Variants in MNAT1 observed in about 807,000 individuals in gnomAD.
MNAT1 encodes the protein MNAT1 component of CDK activating kinase.
In MNAT1, 43 loss-of-function variants were observed where a neutral mutation model predicts 42.0. That is an observed-to-expected ratio of 1.02 (90% confidence interval 0.80 to 1.32). The LOEUF (loss-of-function observed/expected upper bound fraction) is 1.32. Among genes scored for constraint, MNAT1 ranks in the 40% most tolerant of loss-of-function variants. MNAT1 has a pLI of 0.00. For missense variants in MNAT1, 306 were observed against 350.4 expected, an observed-to-expected ratio of 0.87 and a Z score of 1.01; for synonymous variants, 118 against 120.0, an observed-to-expected ratio of 0.98 and a Z score of 0.11.
intron 1 of MNAT1, among the ~76,000 whole-genome samples, chr14:60,791,420 T>C (rs541339700): frequency 6.6e-6 from 1 of 152,204 alleles, no homozygotes; most frequent in Admixed American, 6.5e-5. Context: ...CAAAAGCACT[T>C]TGTTGAGGTA....
chr14:60,886,959 A>T (rs2034689131), intron 7 of MNAT1, among the ~76,000 whole-genome samples: 1 of 152,120 alleles, frequency 6.6e-6, no homozygotes, highest in Admixed American at 6.6e-5. Flanking sequence ...AAAAACTGAA[A>T]ACTTTTCCTC....
chr14:60,850,382 A>C (rs759296796), intron 6 of MNAT1, among the ~76,000 whole-genome samples: 3 of 152,180 alleles, frequency 2.0e-5, no homozygotes, highest in Non-Finnish European at 2.9e-5. Flanking sequence ...CATAGTAGTA[A>C]CATGTACTTT....
intron 6 of MNAT1, among the ~76,000 whole-genome samples, chr14:60,864,195 C>T (rs557978938): frequency 4.6e-5 from 7 of 151,572 alleles, no homozygotes; most frequent in Non-Finnish European, 1.5e-5. Flanking sequence ...ACTAGAGTAG[C>T]TTTCATTTAA....
At chr14:60,780,728 C>A in intron 1 of MNAT1, 1 of 620,924 alleles carries the variant, frequency 1.6e-6, no homozygotes, top group East Asian at 2.7e-5. Flanking sequence ...ACTTACTGAA[C>A]TGTGTGTAAT....
At chr14:60,784,087 A>ACCTCCG (rs892941991) in intron 1 of MNAT1, among the ~76,000 whole-genome samples, 4 of 149,492 alleles carry the variant, frequency 2.7e-5, no homozygotes, top group African/African-American at 7.4e-5. Context: ...GCTCACTGCA[A>ACCTCCG]CCTCCGCCTC....
intron 7 of MNAT1, among the ~76,000 whole-genome samples, chr14:60,921,693 C>T (rs552095777): frequency 3.2e-4 from 48 of 152,208 alleles, no homozygotes; most frequent in Admixed American, 1.4e-3. Context: ...TATTTTAACA[C>T]GATCAGAATG....
chr14:60,736,145 G>A lies in MNAT1; in HGVS notation c.89+1194G>A, dbSNP rs1896301502. ...GTGATTGAATGATTTAAGATTAGAA[G>A]TAAGGTAAAAGTAATCAAGAAGAAT... is the stretch of plus-strand genomic sequence containing the variant. On this transcript the variant is annotated intron_variant, in intron 1 of 7. Transcript: ENST00000261245. Among the ~76,000 whole-genome samples, 2 of 152,210 alleles carry A rather than the reference G, an allele frequency of 1.3e-5. 1 individual carries two copies. The highest frequency in any genetic ancestry group is 4.1e-4 in the South Asian group (2 of 4,836).
intron 6 of MNAT1, among the ~76,000 whole-genome samples, chr14:60,835,730 G>T (rs530605497): frequency 2.5e-4 from 38 of 152,134 alleles, no homozygotes; most frequent in Non-Finnish European, 4.9e-4. Flanking sequence ...CTCTTTTCGA[G>T]GATTATCTTT....
At position 60,968,283 on chromosome 14, in the gene MNAT1, T is replaced by C; in HGVS notation, c.864T>C (p.Thr288=). 2.5e-6 allele frequency: 4 copies of C among 1,614,050 alleles called. No homozygotes were observed. The highest frequency in any genetic ancestry group is 3.4e-6 in the Non-Finnish European group (4 of 1,179,922). ...ASPQDLAGGY[T]SSLACHRALQ... ...CACAGGACCTTGCTGGAGGCTATAC[T>C]TCTTCTCTTGCTTGTCACAGAGCAC... is the stretch of plus-strand genomic sequence containing the variant. Residue 288 remains threonine (T), a synonymous_variant, in exon 8 of 8, where the codon ACT becomes ACC. Transcript: ENST00000261245.
At chr14:60,946,742 TC>T (rs2036284262) in intron 7 of MNAT1, among the ~76,000 whole-genome samples, 1 of 152,220 alleles carries the variant, frequency 6.6e-6, no homozygotes, top group Admixed American at 6.5e-5. Context: ...CACATACCTT[TC>T]CTGAGACCAG....
chr14:60,871,779 C>T (rs1031319097), intron 6 of MNAT1, among the ~76,000 whole-genome samples: 2 of 152,062 alleles, frequency 1.3e-5, no homozygotes, highest in South Asian at 2.1e-4. Flanking sequence ...CCGGCTACCA[C>T]GCCCAGCTAA....
chr14:60,938,153 A>G (rs1404703677), intron 7 of MNAT1, among the ~76,000 whole-genome samples: 1 of 152,210 alleles, frequency 6.6e-6, no homozygotes, highest in East Asian at 1.9e-4. Context: ...TTCTAGATAT[A>G]CAATCATGTC....
chr14:60,959,286 T>A (rs1310043641), intron 7 of MNAT1, among the ~76,000 whole-genome samples: 1 of 152,158 alleles, frequency 6.6e-6, no homozygotes, highest in African/African-American at 2.4e-5. Context: ...CCACAAGGGC[T>A]GTTGAGGTCC....
chr14:60,831,491 T>G (rs1008838408), intron 6 of MNAT1, among the ~76,000 whole-genome samples: 1 of 152,204 alleles, frequency 6.6e-6, no homozygotes, highest in African/African-American at 2.4e-5. Flanking sequence ...TCCACGTCCT[T>G]GCAAAGGACA....
intron 7 of MNAT1, among the ~76,000 whole-genome samples, chr14:60,901,786 A>G (rs1249761163): frequency 6.6e-6 from 1 of 152,206 alleles, no homozygotes; most frequent in Non-Finnish European, 1.5e-5. Flanking sequence ...TTATAATAAA[A>G]CTTGAACAAA....
chr14:60,961,427 G>A (rs2036589898), intron 7 of MNAT1, among the ~76,000 whole-genome samples: 2 of 152,244 alleles, frequency 1.3e-5, no homozygotes, highest in Admixed American at 6.5e-5. Context: ...AATATGTACT[G>A]TGTCTCCTTA....
At chr14:60,908,164 T>A (rs758055059) in intron 7 of MNAT1, among the ~76,000 whole-genome samples, 11 of 152,318 alleles carry the variant, frequency 7.2e-5, no homozygotes, top group South Asian at 2.1e-4. Context: ...GTGCCATTTT[T>A]AAAAAATTAA....
intron 6 of MNAT1, among the ~76,000 whole-genome samples, chr14:60,868,895 C>T (rs932239096): frequency 3.3e-5 from 5 of 151,674 alleles, no homozygotes; most frequent in Non-Finnish European, 4.4e-5. Context: ...GACTATGTAA[C>T]AAAATTCCAA....
chr14:60,953,848 T>C (rs903897702), intron 7 of MNAT1, among the ~76,000 whole-genome samples: 3 of 152,176 alleles, frequency 2.0e-5, no homozygotes, highest in Admixed American at 6.5e-5. Flanking sequence ...TACCTCATTG[T>C]GATTTTAATT....
Sources: allele counts gnomAD v4.1 joint callset (sites outside exome capture counted in the v4.1 genomes callset), GRCh38; gene constraint gnomAD v4.1.1; transcripts MANE v1.5; gene names NCBI Gene and HGNC (gene_info 2026-07-23, HGNC 2026-07-21).